SORCS2: variants seen among roughly 807,000 people sequenced by gnomAD.
The protein encoded by SORCS2 is sortilin related VPS10 domain containing receptor 2, also known as VPS10 domain-containing receptor SorCS2.
In SORCS2, 100 loss-of-function variants were observed where a neutral mutation model predicts 141.6. The ratio of observed to expected loss-of-function variants is 0.71; its 90% CI spans 0.60 to 0.83. The LOEUF is 0.83. Among genes scored for constraint, SORCS2 ranks in the 40% least tolerant of loss-of-function variants. The pLI is 0.00. For missense variants in SORCS2, 1,646 were observed against 1,560.2 expected, an observed-to-expected ratio of 1.05 and a Z score of -0.93; for synonymous variants, 789 against 676.9, an observed-to-expected ratio of 1.17 and a Z score of -2.57.
intron 1 of SORCS2, among the ~76,000 whole-genome samples, chr4:7,231,152 T>A (rs2108776099): frequency 1.3e-5 from 2 of 152,372 alleles, no homozygotes; most frequent in Middle Eastern, 6.8e-3. Flanking sequence ...AAAGCCAATG[T>A]CCCAGTTTGA....
At chr4:7,536,824 CT>C (rs746243712) in intron 3 of SORCS2, among the ~76,000 whole-genome samples, 5 of 55,934 alleles carry the variant, frequency 8.9e-5, no homozygotes, top group African/African-American at 1.4e-4. Context: ...TGTCCCCATA[CT>C]CAGATGTGGG....
chr4:7,450,316 A>T (rs1211280801), intron 2 of SORCS2, among the ~76,000 whole-genome samples: 2 of 152,176 alleles, frequency 1.3e-5, no homozygotes, highest in East Asian at 3.8e-4. Flanking sequence ...GGAGCCAGGG[A>T]AATCATCACT....
intron 2 of SORCS2, among the ~76,000 whole-genome samples, chr4:7,426,799 G>A (rs1577541654): frequency 6.6e-6 from 1 of 152,200 alleles, no homozygotes; most frequent in African/African-American, 2.4e-5. Context: ...GAGTGGTGAG[G>A]CGAGGCCCTC....
chr4:7,678,448 G>A (rs1165799480), intron 9 of SORCS2, among the ~76,000 whole-genome samples: 4 of 148,506 alleles, frequency 2.7e-5, no homozygotes, highest in Middle Eastern at 4.0e-3. Context: ...CTGACTGCCC[G>A]GGGTTCAGGT....
intron 1 of SORCS2, among the ~76,000 whole-genome samples, chr4:7,316,311 AT>A (rs1560186970): frequency 3.3e-5 from 5 of 152,056 alleles, no homozygotes; most frequent in South Asian, 2.1e-4. Context: ...AACAAAAAAA[AT>A]TTTTTTGGAC....
chr4:7,211,384 A>G (rs748345074), intron 1 of SORCS2, among the ~76,000 whole-genome samples: 2 of 151,966 alleles, frequency 1.3e-5, no homozygotes, highest in Non-Finnish European at 2.9e-5. Context: ...CCATTGATTG[A>G]TTGATTATTT....
chr4:7,709,763 A>C (rs1408430950), intron 14 of SORCS2, among the ~76,000 whole-genome samples: 1 of 152,108 alleles, frequency 6.6e-6, no homozygotes, highest in Non-Finnish European at 1.5e-5. Context: ...GGCCAGAGGC[A>C]ACTTTTGGGA....
intron 2 of SORCS2, among the ~76,000 whole-genome samples, chr4:7,509,233 G>A (rs1208390226): frequency 6.6e-6 from 1 of 152,202 alleles, no homozygotes; most frequent in Non-Finnish European, 1.5e-5. Flanking sequence ...AAGGGAGATG[G>A]TGAGGTCCCT....
chr4:7,520,224 G>A (rs960564844), intron 2 of SORCS2, among the ~76,000 whole-genome samples: 7 of 152,328 alleles, frequency 4.6e-5, no homozygotes, highest in Middle Eastern at 3.4e-3. Flanking sequence ...GCATCGCGCC[G>A]ATGCTCAGGA....
chr4:7,276,820 TCA>T (rs1387857301), intron 1 of SORCS2, among the ~76,000 whole-genome samples: 3 of 152,156 alleles, frequency 2.0e-5, no homozygotes, highest in Non-Finnish European at 2.9e-5. Flanking sequence ...GAGCTTCCAT[TCA>T]TCACGCGGCA....
intron 12 of SORCS2, among the ~76,000 whole-genome samples, chr4:7,701,736 A>G (rs1428389856): frequency 6.6e-6 from 1 of 152,152 alleles, no homozygotes. Context: ...TGTCCTCCCC[A>G]GGGCCTTCTG....
At chr4:7,509,554 C>T (rs920267951) in intron 2 of SORCS2, among the ~76,000 whole-genome samples, 1 of 152,150 alleles carries the variant, frequency 6.6e-6, no homozygotes, top group Non-Finnish European at 1.5e-5. Context: ...ACTCTGCGGT[C>T]GACGCTGGGG....
intron 2 of SORCS2, among the ~76,000 whole-genome samples, chr4:7,528,744 C>G (rs1328889132): frequency 6.6e-6 from 1 of 152,090 alleles, no homozygotes; most frequent in East Asian, 1.9e-4. Context: ...ACCTGACTTC[C>G]TTGTCCTCAG....
Position 7,350,570 on chromosome 4 carries a change from G to GT in SORCS2, c.481-45718_481-45717insT. ...GATGGGGTGTGCTGGCTGCTGGGGG[G>GT]ACCCAGTGGATTGGCAGGCATGACC... On this transcript the variant is annotated intron_variant, in intron 1 of 26. Coordinates refer to ENST00000507866, the MANE Select transcript of SORCS2 (RefSeq NM_020777.3). Among the ~76,000 whole-genome samples, 4 of 152,330 alleles carry GT rather than the reference G, an allele frequency of 2.6e-5. No individual in the cohort carries two copies. The Middle Eastern group carries it at 0.014, about 518-fold the overall frequency.
chr4:7,236,669 C>A (rs936620586), intron 1 of SORCS2, among the ~76,000 whole-genome samples: 1 of 152,174 alleles, frequency 6.6e-6, no homozygotes, highest in African/African-American at 2.4e-5. Flanking sequence ...ACAACTTCTG[C>A]CTCCTGGGTT....
At chr4:7,355,140 C>T (rs971690358) in intron 1 of SORCS2, among the ~76,000 whole-genome samples, 7 of 152,098 alleles carry the variant, frequency 4.6e-5, no homozygotes, top group Non-Finnish European at 8.8e-5. Context: ...ACCCTGGGCT[C>T]GCTGGGAGGA....
chr4:7,472,110 C>T (rs759740256), intron 2 of SORCS2, among the ~76,000 whole-genome samples: 1 of 152,240 alleles, frequency 6.6e-6, no homozygotes, highest in Non-Finnish European at 1.5e-5. Flanking sequence ...GCCCAGGACA[C>T]TCAGGAGTGC....
chr4:7,480,544 C>T (rs538346428), intron 2 of SORCS2, among the ~76,000 whole-genome samples: 24 of 152,318 alleles, frequency 1.6e-4, no homozygotes, highest in South Asian at 8.3e-4. Context: ...GCCAAGGGGG[C>T]GACTGGAGGG....
At chr4:7,531,674 T>G in intron 3 of SORCS2, 45 bp downstream of exon 3, 1 of 1,567,452 alleles carries the variant, frequency 6.4e-7, no homozygotes, top group Non-Finnish European at 8.8e-7. Flanking sequence ...TCTCGCCTTG[T>G]GCCGCTCACT....
Sources: allele counts gnomAD v4.1 joint callset (sites outside exome capture counted in the v4.1 genomes callset), GRCh38; gene constraint gnomAD v4.1.1; transcripts MANE v1.5; gene names NCBI Gene and HGNC (gene_info 2026-07-23, HGNC 2026-07-21).